Variants in PBX3 observed in about 807,000 individuals in gnomAD.
PBX3 encodes the protein PBX homeobox 3.
In PBX3, 14 loss-of-function variants were observed where a neutral mutation model predicts 48.5. The observed-to-expected ratio is 0.29, with a 90% CI of 0.19 to 0.45. PBX3 has a LOEUF of 0.45. PBX3 is among the 20% of genes least tolerant of loss of function. PBX3 has a pLI of 1.00. For synonymous variants in PBX3, 210 were observed against 200.3 expected (o/e 1.05, Z -0.41); for missense variants, 386 against 546.7 (o/e 0.71, Z 2.93).
chr9:125,819,936 AT>A (rs1838599568), intron 2 of PBX3, among the ~76,000 whole-genome samples: 2 of 152,124 alleles, frequency 1.3e-5, no homozygotes, highest in South Asian at 4.1e-4. Context: ...TGTAAATTTT[AT>A]TTCACATTCT....
intron 2 of PBX3, among the ~76,000 whole-genome samples, chr9:125,758,034 C>G (rs1024149187): frequency 1.3e-5 from 2 of 152,182 alleles, no homozygotes; most frequent in African/African-American, 2.4e-5. Context: ...CCACTTGTTA[C>G]AGCAGTGATG....
At chr9:125,938,952 A>G (rs1554731099) in intron 5 of PBX3, among the ~76,000 whole-genome samples, 2 of 151,606 alleles carry the variant, frequency 1.3e-5, no homozygotes, top group Non-Finnish European at 2.9e-5. Context: ...TCAGATGTTC[A>G]GAAAAAAAAA....
chr9:125,819,666 A>C (rs1321146166), intron 2 of PBX3, among the ~76,000 whole-genome samples: 1 of 152,204 alleles, frequency 6.6e-6, no homozygotes. Context: ...AGCTTCATTT[A>C]TGAATAGATT....
intron 2 of PBX3, among the ~76,000 whole-genome samples, chr9:125,763,200 T>C (rs370998172): frequency 4.6e-5 from 7 of 152,198 alleles, no homozygotes; most frequent in East Asian, 3.8e-4. Context: ...TGAAATGCCC[T>C]TTGTGGGGGA....
intron 2 of PBX3, among the ~76,000 whole-genome samples, chr9:125,781,339 G>A (rs934743921): frequency 6.6e-6 from 1 of 151,808 alleles, no homozygotes; most frequent in East Asian, 2.0e-4. Flanking sequence ...CCAACACAGC[G>A]AAACCCCGTC....
At chr9:125,787,188 C>T (rs576246610) in intron 2 of PBX3, among the ~76,000 whole-genome samples, 5 of 152,222 alleles carry the variant, frequency 3.3e-5, no homozygotes, top group Non-Finnish European at 7.4e-5. Flanking sequence ...TGCAGGTGTA[C>T]ACCACCACAC....
chr9:125,959,249 A>C (rs912260370), intron 5 of PBX3, among the ~76,000 whole-genome samples: 1 of 152,256 alleles, frequency 6.6e-6, no homozygotes, highest in African/African-American at 2.4e-5. Flanking sequence ...AGGGGGAAAA[A>C]ATGATGGTAG....
At chr9:125,802,384 T>TTA (rs71376113) in intron 2 of PBX3, among the ~76,000 whole-genome samples, 2 of 145,530 alleles carry the variant, frequency 1.4e-5, no homozygotes, top group Admixed American at 1.4e-4. Context: ...TTTTTTTTTT[T>TTA]AAAGACAGGG....
At position 125,965,984 on chromosome 9, in the gene PBX3, G is replaced by A; in HGVS notation, c.*61G>A. 2 of 1,275,424 alleles carry A rather than the reference G, an allele frequency of 1.6e-6. No homozygotes were observed. Among genetic ancestry groups the A allele is most frequent in the Non-Finnish European group, 2.3e-6 (2 of 882,546 alleles). 79.0% of individuals were successfully genotyped at this position (1,275,424 alleles called of 1,614,324 possible). On this transcript the variant is annotated 3_prime_UTR_variant, in exon 9 of 9. Transcript: ENST00000373489. ...GATAAGTGCATTCAGAGCAATAGGA[G>A]GAAAAGGAAAGCGTTTTTGTAGCCC...
At chr9:125,806,691 A>T (rs1367547127) in intron 2 of PBX3, among the ~76,000 whole-genome samples, 1 of 152,214 alleles carries the variant, frequency 6.6e-6, no homozygotes, top group Non-Finnish European at 1.5e-5. Context: ...CATGGCAGTC[A>T]TATGGGGGGA....
chr9:125,941,322 A>G (rs935629750), intron 5 of PBX3, among the ~76,000 whole-genome samples: 1 of 152,150 alleles, frequency 6.6e-6, no homozygotes, highest in African/African-American at 2.4e-5. Context: ...GACCAAATAA[A>G]TGGTTCATGG....
chr9:125,813,011 C>A (rs564064836), intron 2 of PBX3, among the ~76,000 whole-genome samples: 1 of 152,036 alleles, frequency 6.6e-6, no homozygotes, highest in Non-Finnish European at 1.5e-5. Context: ...TGCATACTAC[C>A]GCACACTTTA....
rs760312706 is a variant in PBX3 at position 125,915,652 on chromosome 9, TTC to T, written c.275-26_275-25del. 6.5e-6 allele frequency: 10 copies of T among 1,545,764 alleles called. No individual in the cohort carries two copies. The African/African-American group carries it at 6.9e-5, about 11-fold the overall frequency. On this transcript the variant is annotated intron_variant, in intron 2 of 8. Transcript: ENST00000373489. ...CTATTTGTCCTCTGTTTCTCGCTTC[TTC>T]TCTCTCTGTCTCTCTCTCTCTTTCC...
intron 2 of PBX3, among the ~76,000 whole-genome samples, chr9:125,794,159 T>A (rs559508497): frequency 6.6e-6 from 1 of 152,290 alleles, no homozygotes; most frequent in Non-Finnish European, 1.5e-5. Context: ...GTTATGGAAA[T>A]GCGGGAGTTG....
At chr9:125,898,245 C>T (rs960190667) in intron 2 of PBX3, among the ~76,000 whole-genome samples, 15 of 151,610 alleles carry the variant, frequency 9.9e-5, no homozygotes, top group Admixed American at 7.9e-4. Flanking sequence ...CAACCTCTCC[C>T]GACCTCTACC....
Position 125,755,672 on chromosome 9 carries a change from GTTTTTTTTTT to G in PBX3, c.274+7062_274+7071del, listed in dbSNP as rs11310993. Among the ~76,000 whole-genome samples, 11 of 95,236 alleles carry G rather than the reference GTTTTTTTTTT, an allele frequency of 1.2e-4. No homozygotes were observed. In the East Asian group the frequency reaches 2.7e-3, roughly 24 times the overall value. 62.5% of individuals were successfully genotyped at this position (95,236 alleles called of 152,430 possible). ...GAGCTTTAGCATCAGGAGGAGCTTT[GTTTTTTTTTT>G]TTTTTTTTTTTTGAGTTTCTCTTGG... On this transcript the variant is annotated intron_variant, in intron 2 of 8. Transcript: ENST00000373489.
At chr9:125,889,331 G>A (rs1429222804) in intron 2 of PBX3, among the ~76,000 whole-genome samples, 1 of 152,248 alleles carries the variant, frequency 6.6e-6, no homozygotes, top group Non-Finnish European at 1.5e-5. Context: ...CGCACGGGCC[G>A]AGCCACGGCT....
rs1429898535 is a variant in PBX3 at position 125,899,450 on chromosome 9, T to G, written c.275-16236T>G. 1.0e-3 allele frequency among the ~76,000 whole-genome samples: 80 copies of G among 79,336 alleles called. 2 individuals carry two copies. Among genetic ancestry groups the G allele is most frequent in the African/African-American group, 3.6e-3 (64 of 17,572 alleles). The allele number at this position is 79,336 out of a possible 152,430, so 52.0% of individuals were successfully genotyped here. On this transcript the variant is annotated intron_variant, in intron 2 of 8. Transcript: ENST00000373489. ...GTCTATATATATGTGTGTATATATA[T>G]ATATAGAGAGAGAGAGAGAGAGAGA...
chr9:125,793,493 G>A (rs1482111789), intron 2 of PBX3, among the ~76,000 whole-genome samples: 1 of 150,264 alleles, frequency 6.7e-6, no homozygotes, highest in Admixed American at 6.7e-5. Context: ...GCAGTGGCAC[G>A]ATCTCAGCTC....
Sources: allele counts gnomAD v4.1 joint callset (sites outside exome capture counted in the v4.1 genomes callset), GRCh38; gene constraint gnomAD v4.1.1; transcripts MANE v1.5; gene names NCBI Gene and HGNC (gene_info 2026-07-23, HGNC 2026-07-21).